Variants in PRICKLE1 observed in about 807,000 individuals in gnomAD.
The protein encoded by PRICKLE1 is prickle planar cell polarity protein 1.
A neutral mutation model predicts 70.2 loss-of-function variants in PRICKLE1; 14 were observed. The observed-to-expected ratio is 0.20, with a 90% CI of 0.13 to 0.31. The LOEUF (loss-of-function observed/expected upper bound fraction) is 0.31. Ranked by LOEUF, PRICKLE1 falls within the 10% of genes least tolerant of loss-of-function variation. The pLI, the probability that PRICKLE1 is intolerant of heterozygous loss-of-function variation, is 1.00. For missense variants in PRICKLE1, 821 were observed against 1,026.2 expected, an observed-to-expected ratio of 0.80 and a Z score of 2.73; for synonymous variants, 357 against 379.9, an observed-to-expected ratio of 0.94 and a Z score of 0.70.
At chr12:42,527,115 TTTTTTTTTTCCTC>T (rs1378293388) in intron 1 of PRICKLE1, among the ~76,000 whole-genome samples, 21 of 138,470 alleles carry the variant, frequency 1.5e-4, no homozygotes, top group Non-Finnish European at 2.5e-4. Context: ...TGTGCTTTCT[TTTTTTTTTTCCTC>T]TTTTTTTTTT....
At chr12:42,537,357 G>T (rs1399438246) in intron 1 of PRICKLE1, among the ~76,000 whole-genome samples, 1 of 151,984 alleles carries the variant, frequency 6.6e-6, no homozygotes, top group Non-Finnish European at 1.5e-5. Context: ...GAGAGACAGG[G>T]TCTTGCCATG....
chr12:42,550,038 C>G (rs1332513125), intron 1 of PRICKLE1, among the ~76,000 whole-genome samples: 1 of 152,208 alleles, frequency 6.6e-6, no homozygotes, highest in Non-Finnish European at 1.5e-5. Context: ...TGCTGAAATG[C>G]TCCACTGTCC....
chr12:42,525,903 A>G (rs1292647467), intron 1 of PRICKLE1, among the ~76,000 whole-genome samples: 3 of 152,216 alleles, frequency 2.0e-5, no homozygotes, highest in African/African-American at 7.2e-5. Context: ...TAGATGTCAT[A>G]TGTCATTATG....
intron 1 of PRICKLE1, among the ~76,000 whole-genome samples, chr12:42,488,182 G>A (rs920993128): frequency 2.0e-5 from 3 of 152,120 alleles, no homozygotes; most frequent in African/African-American, 7.2e-5. Flanking sequence ...CAGCCCCCAG[G>A]CACCTCCCTC....
chr12:42,489,657 TAAAAAAAAAAAAAAAAAAA>T (rs71084661), intron 1 of PRICKLE1: 4 of 67,798 alleles, frequency 5.9e-5, no homozygotes, highest in Non-Finnish European at 8.3e-5. Flanking sequence ...GAGACTTCTC[TAAAAAAAAAAAAAAAAAAA>T]AAAAAAAAAA....
At chr12:42,587,890 A>G (rs1780796643) in intron 1 of PRICKLE1, among the ~76,000 whole-genome samples, 1 of 152,214 alleles carries the variant, frequency 6.6e-6, no homozygotes, top group Non-Finnish European at 1.5e-5. Flanking sequence ...GAATCTTTGG[A>G]TTAAGTTGAT....
chr12:42,538,315 A>C (rs1375913923), intron 1 of PRICKLE1, among the ~76,000 whole-genome samples: 1 of 150,808 alleles, frequency 6.6e-6, no homozygotes, highest in Non-Finnish European at 1.5e-5. Flanking sequence ...ACTAGGCAGC[A>C]AAAAAAAATA....
At chr12:42,475,464 C>T (rs144761030) in intron 1 of PRICKLE1, among the ~76,000 whole-genome samples, 4 of 152,114 alleles carry the variant, frequency 2.6e-5, no homozygotes, top group Non-Finnish European at 5.9e-5. Flanking sequence ...GTCTTAGGAC[C>T]GGTCTTGGCT....
chr12:42,539,727 A>G (rs1210361034), intron 1 of PRICKLE1, among the ~76,000 whole-genome samples: 1 of 152,216 alleles, frequency 6.6e-6, no homozygotes, highest in Non-Finnish European at 1.5e-5. Flanking sequence ...TGTATTTTGA[A>G]AAGTCACATA....
At chr12:42,554,587 G>A (rs1348988598) in intron 1 of PRICKLE1, among the ~76,000 whole-genome samples, 1 of 152,138 alleles carries the variant, frequency 6.6e-6, no homozygotes, top group African/African-American at 2.4e-5. Context: ...TTACTCAAAG[G>A]GCGAACTGGA....
At chr12:42,563,746 T>C (rs1381517610) in intron 1 of PRICKLE1, among the ~76,000 whole-genome samples, 1 of 148,400 alleles carries the variant, frequency 6.7e-6, no homozygotes, top group Non-Finnish European at 1.5e-5. Context: ...TTTGGTGGCA[T>C]GTATCTGCAA....
At chr12:42,504,636 A>G (rs1939373310) in intron 1 of PRICKLE1, among the ~76,000 whole-genome samples, 1 of 152,214 alleles carries the variant, frequency 6.6e-6, no homozygotes, top group South Asian at 2.1e-4. Context: ...GCAATAATTC[A>G]TTGGAAGGAT....
At chr12:42,499,711 G>A (rs900003198) in intron 1 of PRICKLE1, among the ~76,000 whole-genome samples, 16 of 149,462 alleles carry the variant, frequency 1.1e-4, no homozygotes, top group African/African-American at 3.0e-4. Flanking sequence ...ATGAGCCACC[G>A]TGTCTGGCCT....
intron 7 of PRICKLE1, among the ~76,000 whole-genome samples, chr12:42,461,165 G>A (rs931949108): frequency 1.1e-4 from 17 of 152,354 alleles, no homozygotes; most frequent in Middle Eastern, 6.8e-3. Context: ...ACAGGTATGA[G>A]CCACTGCACC....
chr12:42,534,720 CA>C (rs888138238), intron 1 of PRICKLE1, among the ~76,000 whole-genome samples: 9 of 152,088 alleles, frequency 5.9e-5, no homozygotes, highest in Non-Finnish European at 1.2e-4. Context: ...CCAAGTGTTA[CA>C]CCCAGATGTT....
chr12:42,579,374 A>G (rs537722517), intron 1 of PRICKLE1, among the ~76,000 whole-genome samples: 1 of 152,308 alleles, frequency 6.6e-6, no homozygotes, highest in East Asian at 1.9e-4. Context: ...AAACAAGGAG[A>G]TCTGCTGTAA....
At chr12:42,552,929 GGTTCACAATA>G (rs1473565289) in intron 1 of PRICKLE1, among the ~76,000 whole-genome samples, 31 of 152,144 alleles carry the variant, frequency 2.0e-4, no homozygotes, top group African/African-American at 7.5e-4. Flanking sequence ...TCTCCTGCGC[GGTTCACAATA>G]GAGTTTGAGC....
rs1163979806 is a variant in PRICKLE1 at position 42,459,076 on chromosome 12, T to C, written c.*733A>G. On this transcript the variant is annotated 3_prime_UTR_variant, in exon 8 of 8. Transcript: ENST00000345127. ...AAAATATAAGCAATCAGTTCATCCATAAATTCTGGTTCCCTGGCAAATCTA... is the reference window on the plus strand; with the variant it reads ...AAAATATAAGCAATCAGTTCATCCACAAATTCTGGTTCCCTGGCAAATCTA... 4 of 451,120 alleles carry C rather than the reference T, an allele frequency of 8.9e-6. No homozygotes were observed. Among genetic ancestry groups the C allele is most frequent in the Non-Finnish European group, 1.6e-5 (4 of 252,658 alleles). 27.9% of individuals were successfully genotyped at this position (451,120 alleles called of 1,614,324 possible). A position where few individuals can be genotyped will look rare whatever the true frequency, so the allele number is the denominator to read the frequency against.
chr12:42,583,774 T>G (rs1183611094), intron 1 of PRICKLE1, among the ~76,000 whole-genome samples: 1 of 152,232 alleles, frequency 6.6e-6, no homozygotes, highest in African/African-American at 2.4e-5. Context: ...AAAGAAGCAC[T>G]ATATTCTATA....
Sources: gnomAD v4.1 joint callset for allele counts (sites outside exome capture counted in the v4.1 genomes callset) on GRCh38, gnomAD v4.1.1 for gene constraint, MANE v1.5 for transcripts, NCBI Gene and HGNC (gene_info 2026-07-23, HGNC 2026-07-21) for gene names.